PTPRM: variants seen among roughly 807,000 people sequenced by gnomAD.
PTPRM encodes the protein protein tyrosine phosphatase receptor type M.
A neutral mutation model predicts 186.7 loss-of-function variants in PTPRM; 47 were observed. The ratio of observed to expected loss-of-function variants is 0.25; its 90% CI spans 0.20 to 0.32. The LOEUF is 0.32. Among genes scored for constraint, PTPRM ranks in the 10% least tolerant of loss-of-function variants. PTPRM has a pLI of 1.00. For synonymous variants in PTPRM, 668 were observed against 674.9 expected (o/e 0.99, Z 0.16); for missense variants, 1,494 against 1,865.0 (o/e 0.80, Z 3.66).
intron 14 of PTPRM, among the ~76,000 whole-genome samples, chr18:8,200,831 C>T (rs1424077225): frequency 6.6e-6 from 1 of 152,090 alleles, no homozygotes; most frequent in East Asian, 1.9e-4. Flanking sequence ...AACACGAAGC[C>T]TTTTTACTCC....
intron 14 of PTPRM, among the ~76,000 whole-genome samples, chr18:8,157,184 C>G (rs1054808687): frequency 6.6e-6 from 1 of 152,130 alleles, no homozygotes; most frequent in African/African-American, 2.4e-5. Context: ...CTCAGTTTCC[C>G]CAGCTATTCC....
At chr18:8,387,006 C>T in intron 30 of PTPRM, 66 bp from the exon 31 acceptor site, 1 of 1,452,916 alleles carries the variant, frequency 6.9e-7, no homozygotes, top group Non-Finnish European at 9.5e-7. Context: ...GGAATCAGCC[C>T]ACTGGAATTC....
intron 4 of PTPRM, among the ~76,000 whole-genome samples, chr18:7,923,616 A>T (rs2050998028): frequency 6.6e-6 from 1 of 152,236 alleles, no homozygotes; most frequent in Non-Finnish European, 1.5e-5. Flanking sequence ...CAAATTTAAC[A>T]AAAGATTGGG....
At chr18:7,933,110 G>A (rs1349328855) in intron 5 of PTPRM, among the ~76,000 whole-genome samples, 1 of 152,166 alleles carries the variant, frequency 6.6e-6, no homozygotes, top group South Asian at 2.1e-4. Context: ...AGGTGTCTTG[G>A]TTATCAGATA....
intron 1 of PTPRM, among the ~76,000 whole-genome samples, chr18:7,581,459 A>G (rs185019063): frequency 1.1e-3 from 167 of 152,248 alleles, no homozygotes; most frequent in Non-Finnish European, 2.0e-3. Context: ...TATGCAGTCG[A>G]TGCTTGTTTC....
At chr18:8,162,798 G>A (rs566662566) in intron 14 of PTPRM, among the ~76,000 whole-genome samples, 1 of 152,298 alleles carries the variant, frequency 6.6e-6, no homozygotes, top group South Asian at 2.1e-4. Context: ...TGTGTTTCAG[G>A]AGGTGGGGAG....
At chr18:8,106,867 C>G (rs192308810) in intron 11 of PTPRM, among the ~76,000 whole-genome samples, 2 of 152,330 alleles carry the variant, frequency 1.3e-5, no homozygotes, top group African/African-American at 4.8e-5. Flanking sequence ...TCAATGCTCT[C>G]TCATCAGCAC....
At chr18:7,990,320 G>A (rs189753274) in intron 7 of PTPRM, among the ~76,000 whole-genome samples, 2 of 152,298 alleles carry the variant, frequency 1.3e-5, no homozygotes, top group East Asian at 3.9e-4. Context: ...GTGTTTGTGT[G>A]TGTGCGCTAA....
At chr18:8,228,416 C>T (rs1470009961) in intron 14 of PTPRM, among the ~76,000 whole-genome samples, 1 of 152,110 alleles carries the variant, frequency 6.6e-6, no homozygotes, top group Non-Finnish European at 1.5e-5. Context: ...TCAAGATCGA[C>T]CCAAAGGCTT....
intron 22 of PTPRM, among the ~76,000 whole-genome samples, chr18:8,329,764 C>T (rs1343792568): frequency 6.6e-6 from 1 of 152,054 alleles, no homozygotes; most frequent in African/African-American, 2.4e-5. Flanking sequence ...TTTTAATGCA[C>T]CCACAGATTT....
intron 7 of PTPRM, among the ~76,000 whole-genome samples, chr18:7,979,805 G>A (rs996317791): frequency 9.2e-5 from 14 of 152,162 alleles, no homozygotes; most frequent in African/African-American, 3.4e-4. Context: ...GGTGCTTGGA[G>A]GCTGGGGAAC....
At chr18:7,604,199 T>C (rs1318953912) in intron 1 of PTPRM, among the ~76,000 whole-genome samples, 1 of 152,214 alleles carries the variant, frequency 6.6e-6, no homozygotes, top group Non-Finnish European at 1.5e-5. Context: ...GTTGTTCCAA[T>C]TCTTTTCATG....
intron 1 of PTPRM, among the ~76,000 whole-genome samples, chr18:7,680,373 G>A (rs796905124): frequency 1.1e-4 from 16 of 152,106 alleles, no homozygotes; most frequent in African/African-American, 3.4e-4. Flanking sequence ...GTACAGCAGC[G>A]TGCCATATTC....
At chr18:7,717,981 C>T (rs1353546923) in intron 1 of PTPRM, among the ~76,000 whole-genome samples, 2 of 152,012 alleles carry the variant, frequency 1.3e-5, no homozygotes, top group East Asian at 3.9e-4. Context: ...AACAAGGCAC[C>T]CCTGTTGAGA....
intron 11 of PTPRM, among the ~76,000 whole-genome samples, chr18:8,090,823 G>C (rs1349829939): frequency 6.6e-6 from 1 of 152,156 alleles, no homozygotes; most frequent in Non-Finnish European, 1.5e-5. Flanking sequence ...TTGAACTCCT[G>C]ACCTCAGGTG....
Position 8,340,929 on chromosome 18 carries a change from G to T in PTPRM, c.2957-2494G>T, listed in dbSNP as rs116720226. 8.9e-3 allele frequency among the ~76,000 whole-genome samples: 1,351 copies of T among 152,230 alleles called. 6 individuals carry two copies. Among genetic ancestry groups the T allele is most frequent in the African/African-American group, 0.014 (592 of 41,558 alleles). On this transcript the variant is annotated intron_variant, in intron 22 of 32. Coordinates refer to ENST00000580170, the MANE Select transcript of PTPRM (RefSeq NM_001105244.2). ...CTAGAGTTGAGAAACATTGCCTCCC[G>T]TAGAGAACAGTCACTGGGAAGCTAG...
intron 1 of PTPRM, among the ~76,000 whole-genome samples, chr18:7,704,457 C>T (rs900694311): frequency 4.6e-5 from 7 of 152,074 alleles, no homozygotes; most frequent in African/African-American, 1.7e-4. Context: ...AGTTTATTTG[C>T]GTAGAGGTGT....
chr18:7,638,884 C>G (rs375041004), intron 1 of PTPRM, among the ~76,000 whole-genome samples: 23 of 152,254 alleles, frequency 1.5e-4, no homozygotes, highest in African/African-American at 5.3e-4. Flanking sequence ...CATTACGACA[C>G]TTCTAAATCC....
chr18:8,390,174 G>A (rs1166885066), intron 31 of PTPRM, among the ~76,000 whole-genome samples: 4 of 152,154 alleles, frequency 2.6e-5, no homozygotes, highest in South Asian at 2.1e-4. Context: ...GTACCTCAGC[G>A]TCATCTGACT....
Sources: gnomAD v4.1 joint callset for allele counts (sites outside exome capture counted in the v4.1 genomes callset) on GRCh38, gnomAD v4.1.1 for gene constraint, MANE v1.5 for transcripts, NCBI Gene and HGNC (gene_info 2026-07-23, HGNC 2026-07-21) for gene names.